COL24A1: variants seen among roughly 807,000 people sequenced by gnomAD.
COL24A1 encodes the protein collagen type XXIV alpha 1 chain, also known as collagen alpha-1(XXIV) chain.
In COL24A1, 224 loss-of-function variants were observed where a neutral mutation model predicts 253.9. The observed-to-expected ratio is 0.88, with a 90% CI of 0.79 to 0.99. The LOEUF (loss-of-function observed/expected upper bound fraction) is 0.99. Among genes scored for constraint, COL24A1 ranks in the 50% least tolerant of loss-of-function variants. The pLI is 0.00. For missense variants in COL24A1, 2,131 were observed against 2,068.5 expected (o/e 1.03, Z -0.59); for synonymous variants, 685 against 673.7 (o/e 1.02, Z -0.26).
At chr1:85,754,350 A>T (rs1665949023) in intron 55 of COL24A1, among the ~76,000 whole-genome samples, 1 of 78,152 alleles carries the variant, frequency 1.3e-5, no homozygotes, top group Non-Finnish European at 2.6e-5. Flanking sequence ...GATCACTTGG[A>T]CACAGGAAGG....
chr1:85,838,621 T>A lies in COL24A1; in HGVS notation c.3645A>T (p.Gln1215His). The change falls in exon 43 of 60, where the codon CAA becomes CAT. Residue 1215 changes from glutamine to histidine, a missense_variant. By Grantham distance (24) the Gln-to-His change is conservative. Transcript: ENST00000370571. ...CTGCTCCAGGCTCTCCTCTCTCTCC[T>A]TGGTCCCCCACTGGACCCTACAGAG... ...PRGEPGPVGD[Q>H]GERGEPGAEG... The A allele has an allele frequency of 6.2e-7, 1 of 1,613,974 alleles. No individual in the cohort carries two copies. The highest frequency in any genetic ancestry group is 1.1e-5 in the South Asian group (1 of 91,074).
intron 19 of COL24A1, among the ~76,000 whole-genome samples, chr1:85,997,039 ATATG>A (rs201201897): frequency 1.1e-3 from 53 of 48,456 alleles, no homozygotes; most frequent in African/African-American, 4.5e-3. Flanking sequence ...ATATATATAT[ATATG>A]TGTGTGTGTG....
intron 5 of COL24A1, among the ~76,000 whole-genome samples, chr1:86,098,419 T>A (rs925638676): frequency 7.9e-5 from 11 of 139,056 alleles, no homozygotes; most frequent in African/African-American, 2.6e-4. Flanking sequence ...AGATTTTTCA[T>A]CCTTGGCTGA....
chr1:85,846,990 G>A, intron 39 of COL24A1, among the ~76,000 whole-genome samples: 1 of 152,064 alleles, frequency 6.6e-6, no homozygotes, highest in East Asian at 1.9e-4. Context: ...TACACTAAAT[G>A]GAAATACGCA....
At chr1:85,946,853 A>G (rs1214256487) in intron 24 of COL24A1, among the ~76,000 whole-genome samples, 1 of 152,210 alleles carries the variant, frequency 6.6e-6, no homozygotes, top group Non-Finnish European at 1.5e-5. Context: ...AAACAGAACT[A>G]CTATTCTGTT....
intron 57 of COL24A1, 28 bp from the exon 58 acceptor site, chr1:85,737,533 T>C (rs60021908): frequency 0.044 from 62,396 of 1,416,656 alleles, 1,562 homozygotes; most frequent in Middle Eastern, 0.095. Context: ...AACATAAAGT[T>C]AAAGTTATTA....
chr1:85,768,492 A>T (rs1667607496), intron 53 of COL24A1, among the ~76,000 whole-genome samples: 1 of 151,676 alleles, frequency 6.6e-6, no homozygotes, highest in African/African-American at 2.4e-5. Flanking sequence ...CCAGTGAGGA[A>T]GAATGAGAGA....
At chr1:85,833,300 G>T (rs968585501) in intron 43 of COL24A1, among the ~76,000 whole-genome samples, 3 of 152,152 alleles carry the variant, frequency 2.0e-5, no homozygotes, top group Admixed American at 2.0e-4. Flanking sequence ...CAACAAGTGG[G>T]TGAAGGATAT....
intron 37 of COL24A1, among the ~76,000 whole-genome samples, chr1:85,850,510 CT>C (rs1374484564): frequency 6.6e-6 from 1 of 152,136 alleles, no homozygotes; most frequent in Non-Finnish European, 1.5e-5. Context: ...TGCTCTATTG[CT>C]GTAGTTATAG....
At chr1:86,025,263 T>A (rs1267337078) in intron 14 of COL24A1, among the ~76,000 whole-genome samples, 1 of 152,180 alleles carries the variant, frequency 6.6e-6, no homozygotes, top group Non-Finnish European at 1.5e-5. Flanking sequence ...AATACTTTCA[T>A]GCGTGGGAGC....
At chr1:86,065,207 T>A (rs542743701) in intron 7 of COL24A1, among the ~76,000 whole-genome samples, 35 of 152,302 alleles carry the variant, frequency 2.3e-4, no homozygotes, top group African/African-American at 8.4e-4. Context: ...CCTATTTTTT[T>A]AAAGTGTGTG....
At chr1:85,757,094 T>C (rs1171026876) in intron 55 of COL24A1, among the ~76,000 whole-genome samples, 2 of 152,166 alleles carry the variant, frequency 1.3e-5, no homozygotes, top group African/African-American at 4.8e-5. Context: ...GTACAGAGTT[T>C]CAGTTTTGGA....
chr1:85,874,333 C>T (rs1257308267), intron 35 of COL24A1, among the ~76,000 whole-genome samples: 1 of 151,982 alleles, frequency 6.6e-6, no homozygotes, highest in East Asian at 1.9e-4. Flanking sequence ...GAGAGTTGTT[C>T]ACTGGTATTT....
chr1:85,777,731 T>A (rs1163196081), intron 52 of COL24A1, among the ~76,000 whole-genome samples: 1 of 152,164 alleles, frequency 6.6e-6, no homozygotes, highest in African/African-American at 2.4e-5. Flanking sequence ...ATTTAACAAA[T>A]CTTTCCATAA....
intron 39 of COL24A1, among the ~76,000 whole-genome samples, chr1:85,843,280 T>C (rs983665751): frequency 1.3e-5 from 2 of 152,214 alleles, no homozygotes; most frequent in East Asian, 3.8e-4. Context: ...TTGCAACTAT[T>C]AACCATTGAT....
At chr1:85,841,930 T>C in intron 41 of COL24A1, 138 bp downstream of exon 41, 1 of 641,300 alleles carries the variant, frequency 1.6e-6, no homozygotes, top group East Asian at 2.7e-5. Flanking sequence ...ATTTATTTTT[T>C]TCTTCCAGAA....
At chr1:85,824,647 A>C (rs1277319135) in intron 43 of COL24A1, among the ~76,000 whole-genome samples, 3 of 152,116 alleles carry the variant, frequency 2.0e-5, no homozygotes, top group Non-Finnish European at 4.4e-5. Flanking sequence ...AGTTCTCCTA[A>C]GAAGGAATGC....
chr1:86,144,373 T>G (rs1179579264), intron 2 of COL24A1, among the ~76,000 whole-genome samples: 1 of 152,102 alleles, frequency 6.6e-6, no homozygotes, highest in East Asian at 1.9e-4. Flanking sequence ...TAATAATATC[T>G]TTGGTAAATT....
intron 35 of COL24A1, among the ~76,000 whole-genome samples, chr1:85,870,896 A>G (rs1680389627): frequency 6.6e-6 from 1 of 152,186 alleles, no homozygotes; most frequent in South Asian, 2.1e-4. Flanking sequence ...TCAAAAAATC[A>G]ATGAATCCAA....
Sources: gnomAD v4.1 joint callset for allele counts (sites outside exome capture counted in the v4.1 genomes callset) on GRCh38, gnomAD v4.1.1 for gene constraint, MANE v1.5 for transcripts, NCBI Gene and HGNC (gene_info 2026-07-23, HGNC 2026-07-21) for gene names.